The following ROBO2 variants were observed in gnomAD, a reference collection of about 807,000 sequenced individuals.
ROBO2 encodes roundabout homolog 2.
Under a neutral mutation model 160.8 loss-of-function variants are expected in ROBO2, and 53 were observed. The ratio of observed to expected loss-of-function variants is 0.33; its 90% CI spans 0.26 to 0.41. The LOEUF is 0.41. Ranked by LOEUF, ROBO2 falls within the 10% of genes least tolerant of loss-of-function variation. ROBO2 has a pLI of 1.00. For missense variants in ROBO2, 1,577 were observed against 1,722.4 expected (o/e 0.92, Z 1.49); for synonymous variants, 664 against 611.7 (o/e 1.09, Z -1.26).
At chr3:76,996,991 TA>T (rs2061050480) in intron 2 of ROBO2, among the ~76,000 whole-genome samples, 1 of 152,106 alleles carries the variant, frequency 6.6e-6, no homozygotes, top group African/African-American at 2.4e-5. Flanking sequence ...ATGAGATGAG[TA>T]AAAAGAAGTA....
At chr3:77,253,444 T>C (rs961647923) in intron 2 of ROBO2, among the ~76,000 whole-genome samples, 9 of 152,322 alleles carry the variant, frequency 5.9e-5, no homozygotes, top group Admixed American at 2.0e-4. Flanking sequence ...AGTTTAATAT[T>C]CACTAAAAGC....
chr3:76,402,088 T>C (rs1010731216), intron 2 of ROBO2, among the ~76,000 whole-genome samples: 1 of 151,624 alleles, frequency 6.6e-6, no homozygotes, highest in Non-Finnish European at 1.5e-5. Context: ...ACCTGACCTC[T>C]GACTTAGAAC....
At chr3:77,276,575 T>C (rs1309556294) in intron 2 of ROBO2, among the ~76,000 whole-genome samples, 2 of 152,142 alleles carry the variant, frequency 1.3e-5, no homozygotes, top group African/African-American at 4.8e-5. Flanking sequence ...CCCTTAGAAA[T>C]GCTTTAATAA....
At chr3:76,687,296 C>T (rs1469320091) in intron 2 of ROBO2, among the ~76,000 whole-genome samples, 1 of 151,938 alleles carries the variant, frequency 6.6e-6, no homozygotes, top group African/African-American at 2.4e-5. Context: ...TCTGTGTCTA[C>T]ATTTCTCATA....
intron 2 of ROBO2, among the ~76,000 whole-genome samples, chr3:76,399,647 A>G (rs1336276057): frequency 6.6e-6 from 1 of 151,744 alleles, no homozygotes; most frequent in Non-Finnish European, 1.5e-5. Context: ...ATGAAGTGAT[A>G]AAATTCCATC....
At chr3:77,635,486 A>C (rs2095249000) in intron 24 of ROBO2, among the ~76,000 whole-genome samples, 1 of 152,226 alleles carries the variant, frequency 6.6e-6, no homozygotes, top group African/African-American at 2.4e-5. Context: ...AGCCAAAATC[A>C]GGCTACAGTA....
chr3:76,308,507 A>T (rs974749760), intron 2 of ROBO2, among the ~76,000 whole-genome samples: 1 of 152,168 alleles, frequency 6.6e-6, no homozygotes, highest in Non-Finnish European at 1.5e-5. Flanking sequence ...TAAGTTAGCT[A>T]ATTTGTTACT....
chr3:76,005,650 G>A (rs1194048593), intron 2 of ROBO2, among the ~76,000 whole-genome samples: 2 of 152,110 alleles, frequency 1.3e-5, no homozygotes, highest in Non-Finnish European at 2.9e-5. Context: ...TCTCTATATA[G>A]ATACCCCTAA....
chr3:76,254,558 T>C (rs1364640754), intron 2 of ROBO2, among the ~76,000 whole-genome samples: 1 of 152,002 alleles, frequency 6.6e-6, no homozygotes, highest in Non-Finnish European at 1.5e-5. Flanking sequence ...AAAGTTAAAT[T>C]AGAGAGACTG....
intron 2 of ROBO2, among the ~76,000 whole-genome samples, chr3:76,542,630 G>A (rs2082880888): frequency 6.6e-6 from 1 of 152,088 alleles, no homozygotes; most frequent in Non-Finnish European, 1.5e-5. Flanking sequence ...CAGCTTTCAT[G>A]GACTAGATCT....
chr3:77,056,503 G>A (rs1210652343), intron 1 of ROBO2, among the ~76,000 whole-genome samples: 2 of 151,988 alleles, frequency 1.3e-5, no homozygotes, highest in African/African-American at 4.8e-5. Context: ...CATTCCATTT[G>A]AGATTGTTAT....
intron 2 of ROBO2, among the ~76,000 whole-genome samples, chr3:76,141,147 CTCTCTCTCTCTCTA>C (rs1307925944): frequency 3.0e-4 from 17 of 56,320 alleles, no homozygotes; most frequent in South Asian, 1.2e-3. Context: ...CTCTCTCTCT[CTCTCTCTCTCTCTA>C]TATATATATA....
chr3:76,107,630 T>C (rs2070004898), intron 2 of ROBO2, among the ~76,000 whole-genome samples: 1 of 152,082 alleles, frequency 6.6e-6, no homozygotes, highest in Non-Finnish European at 1.5e-5. Flanking sequence ...AAAAGGCTTG[T>C]GATTACTATT....
intron 16 of ROBO2, among the ~76,000 whole-genome samples, chr3:77,582,985 A>C (rs2093956392): frequency 6.6e-6 from 1 of 151,480 alleles, no homozygotes; most frequent in Non-Finnish European, 1.5e-5. Context: ...AGTAAAATAC[A>C]AAAGAAATTA....
At chr3:77,493,253 C>T (rs368712078) in exon 5 of ROBO2, 6 of 1,613,384 alleles carry the variant, frequency 3.7e-6, no homozygotes, top group Non-Finnish European at 5.1e-6. Flanking sequence ...GAACGACCCA[C>T]ATTTCTCAGG....
chr3:76,442,808 C>A (rs1448498448), intron 2 of ROBO2, among the ~76,000 whole-genome samples: 1 of 151,950 alleles, frequency 6.6e-6, no homozygotes, highest in Non-Finnish European at 1.5e-5. Flanking sequence ...TCAGTGTTTG[C>A]GTTCAAGTAA....
intron 5 of ROBO2, among the ~76,000 whole-genome samples, chr3:77,514,521 G>A (rs55876737): frequency 0.1 from 15,853 of 151,704 alleles, 1,049 homozygotes; most frequent in South Asian, 0.18. Context: ...AAAAATAAAT[G>A]TACTTATAAA....
chr3:77,090,444 C>T (rs1327497342), intron 1 of ROBO2, among the ~76,000 whole-genome samples: 3 of 145,082 alleles, frequency 2.1e-5, no homozygotes, highest in Non-Finnish European at 4.5e-5. Flanking sequence ...AGCTCCGTCT[C>T]CCGGGTTCAC....
chr3:76,090,883 C>T (rs975975630), intron 2 of ROBO2, among the ~76,000 whole-genome samples: 1 of 152,126 alleles, frequency 6.6e-6, no homozygotes, highest in Non-Finnish European at 1.5e-5. Flanking sequence ...GCGGGAACAA[C>T]TGTACACCCA....
Sources: gnomAD v4.1 joint callset for allele counts (sites outside exome capture counted in the v4.1 genomes callset) on GRCh38, gnomAD v4.1.1 for gene constraint, MANE v1.5 for transcripts, NCBI Gene and HGNC (gene_info 2026-07-23, HGNC 2026-07-21) for gene names.